The following AP3M2 variants were observed in gnomAD, a reference collection of about 807,000 sequenced individuals.
AP3M2 encodes AP-3 complex subunit mu-2.
AP3M2 carries 28 observed loss-of-function variants against 41.6 expected under a neutral mutation model. The observed-to-expected ratio is 0.67, with a 90% CI of 0.50 to 0.92. AP3M2 has a LOEUF of 0.92. Ranked by LOEUF, AP3M2 falls within the 40% of genes least tolerant of loss-of-function variation. The probability of loss-of-function intolerance (pLI) is 0.00; values close to 1 mark genes in which losing one functional copy is unlikely to be tolerated. For synonymous variants in AP3M2, 193 were observed against 186.4 expected (o/e 1.04, Z -0.29); for missense variants, 427 against 521.4 (o/e 0.82, Z 1.76).
At chr8:42,156,456 A>G (rs1006849964) in intron 2 of AP3M2, among the ~76,000 whole-genome samples, 1 of 152,188 alleles carries the variant, frequency 6.6e-6, no homozygotes, top group Non-Finnish European at 1.5e-5. Flanking sequence ...ATAGAATTGC[A>G]GGCTCACAGG....
At chr8:42,161,687 T>G (rs1273280900) in intron 3 of AP3M2, among the ~76,000 whole-genome samples, 4 of 152,158 alleles carry the variant, frequency 2.6e-5, no homozygotes, top group Non-Finnish European at 4.4e-5. Flanking sequence ...TTAATGTATT[T>G]TATTATGTCA....
chr8:42,155,030 A>G, intron 2 of AP3M2, 70 bp downstream of exon 2: 1 of 1,303,160 alleles, frequency 7.7e-7, no homozygotes, highest in Non-Finnish European at 1.1e-6. Context: ...TCCATTGTGT[A>G]AAGCCTCCAT....
Position 42,154,792 on chromosome 8 carries a change from G to C in AP3M2, c.105G>C (p.Ala35=). ...SRSVCDYFFE[A]QERATEAENV... is the part of the protein sequence containing the mutation. ...CTGTTTGTGATTACTTTTTTGAGGC[G>C]CAAGAGAGAGCTACTGAGGCAGAAA... is the stretch of plus-strand genomic sequence containing the variant. The change falls in exon 2 of 9, where the codon GCG becomes GCC. Residue 35 remains alanine, a synonymous_variant. Transcript: ENST00000396926. The C allele has an allele frequency of 6.2e-7, 1 of 1,614,040 alleles. No homozygotes were observed. The highest frequency in any genetic ancestry group is 8.5e-7 in the Non-Finnish European group (1 of 1,180,008).
rs1362291405 is a variant in AP3M2, at chr8:42,169,939, A to G, written c.*878A>G. 2 of 152,154 alleles carry G rather than the reference A, an allele frequency of 1.3e-5. No homozygotes were observed. The highest frequency in any genetic ancestry group is 1.5e-5 in the Non-Finnish European group (1 of 68,050). The allele number at this position is 152,154 out of a possible 1,614,324, so 9.4% of individuals were successfully genotyped here. ...TCACCGGCCATTTTCCTGTTACCTG[A>G]TCCTTCTACAGGATTTTTAAAAAGT... On this transcript the variant is annotated 3_prime_UTR_variant, in exon 9 of 9. Coordinates refer to ENST00000396926, the MANE Select transcript of AP3M2 (RefSeq NM_006803.4).
intron 5 of AP3M2, 46 bp from the exon 6 acceptor site, chr8:42,165,381 G>A (rs780400687): frequency 6.2e-7 from 1 of 1,605,484 alleles, no homozygotes; most frequent in South Asian, 1.1e-5. Context: ...AAGCACTGCG[G>A]GTGTTTAATG....
Position 42,169,300 on chromosome 8 carries a change from T to A in AP3M2, c.*239T>A. The A allele has an allele frequency of 2.7e-6, 1 of 372,862 alleles. No individual in the cohort carries two copies. Among genetic ancestry groups the A allele is most frequent in the East Asian group, 4.4e-5 (1 of 22,526 alleles). 23.1% of individuals were successfully genotyped at this position (372,862 alleles called of 1,614,324 possible). ...TCAAGGACAAGGTGTGTGATGGGGG[T>A]AGGAAGCTTGGTGCTTATGTAACCA... On this transcript the variant is annotated 3_prime_UTR_variant, in exon 9 of 9. Coordinates refer to ENST00000396926, the MANE Select transcript of AP3M2 (RefSeq NM_006803.4).
At chr8:42,161,829 T>A (rs1040324208) in intron 3 of AP3M2, among the ~76,000 whole-genome samples, 2 of 152,202 alleles carry the variant, frequency 1.3e-5, no homozygotes, top group Non-Finnish European at 2.9e-5. Flanking sequence ...GTGTTGGAAC[T>A]TGGGAATGAG....
intron 3 of AP3M2, among the ~76,000 whole-genome samples, chr8:42,159,872 A>T (rs1015128390): frequency 6.6e-6 from 1 of 152,260 alleles, no homozygotes; most frequent in East Asian, 1.9e-4. Context: ...AGAATTACAA[A>T]GGGGTTGTTG....
chr8:42,154,550 T>A (rs1441593033), intron 1 of AP3M2, 66 bp from the exon 2 acceptor site: 1 of 1,287,154 alleles, frequency 7.8e-7, no homozygotes, highest in African/African-American at 1.5e-5. Flanking sequence ...AGTCTTGGAC[T>A]GTTGGGAAAA....
chr8:42,153,612 G>A (rs1804269429), intron 1 of AP3M2: 1 of 152,192 alleles, frequency 6.6e-6, no homozygotes, highest in Non-Finnish European at 1.5e-5. Context: ...TGGCACCAGA[G>A]AGATGCAACC....
chr8:42,164,963 G>C (rs139629942), intron 4 of AP3M2, 108 bp from the exon 5 acceptor site: 1 of 887,732 alleles, frequency 1.1e-6, no homozygotes, highest in Non-Finnish European at 1.7e-6. Context: ...GAGGGAGAGA[G>C]AGGAAGGTGA....
chr8:42,157,226 A>G (rs1335441101), intron 2 of AP3M2, among the ~76,000 whole-genome samples: 1 of 152,216 alleles, frequency 6.6e-6, no homozygotes, highest in African/African-American at 2.4e-5. Context: ...AGTCATGCCT[A>G]ATTCTTACAG....
intron 6 of AP3M2, 101 bp from the exon 7 acceptor site, chr8:42,167,063 G>C: frequency 3.1e-6 from 3 of 973,466 alleles, no homozygotes; most frequent in Non-Finnish European, 4.9e-6. Context: ...ATAGTTAAGG[G>C]AGAAGAAGCT....
rs140472316 is a variant in AP3M2 at position 42,167,228 on chromosome 8, C to T, written c.868C>T (p.Arg290Cys). ...ISFRDSSSLGRFEITVGPKQT... is the reference protein window; with the variant it reads ...ISFRDSSSLGCFEITVGPKQT... ...TTTCCGGGACAGTAGTTCCCTTGGACGCTTTGAAATAACGGTGGGACCCAA... is the reference window on the plus strand; with the variant it reads ...TTTCCGGGACAGTAGTTCCCTTGGATGCTTTGAAATAACGGTGGGACCCAA... The change falls in exon 7 of 9, where the codon CGC becomes TGC. Residue 290 changes from arginine to cysteine, a missense_variant. Arg to Cys is a radical substitution (Grantham distance 180). Around this residue, in one of 3 missense-constraint regions of AP3M2, gnomAD observed 237 missense variants for 284.9 expected, o/e 0.83. Coordinates refer to ENST00000396926, the MANE Select transcript of AP3M2 (RefSeq NM_006803.4). 296 of 1,614,016 alleles carry T rather than the reference C, an allele frequency of 1.8e-4. 1 individual carries two copies. The highest frequency in any genetic ancestry group is 2.3e-4 in the Non-Finnish European group (276 of 1,180,004).
At chr8:42,168,785 T>G (rs891968756) in intron 8 of AP3M2, among the ~76,000 whole-genome samples, 176 bp from the exon 9 acceptor site, 1 of 152,194 alleles carries the variant, frequency 6.6e-6, no homozygotes, top group African/African-American at 2.4e-5. Flanking sequence ...GTTGGAGCCT[T>G]TTTTTGCTGT....
intron 3 of AP3M2, 198 bp from the exon 4 acceptor site, chr8:42,162,083 G>T: frequency 2.3e-6 from 1 of 441,262 alleles, no homozygotes; most frequent in Non-Finnish European, 3.9e-6. Flanking sequence ...TGTTTGAAAA[G>T]GCAGACCAGA....
At chr8:42,163,644 A>G (rs1804567715) in intron 4 of AP3M2, among the ~76,000 whole-genome samples, 1 of 152,242 alleles carries the variant, frequency 6.6e-6, no homozygotes, top group African/African-American at 2.4e-5. Context: ...GCATAAGATT[A>G]TAGACAGTGG....
At position 42,168,288 on chromosome 8, in the gene AP3M2, G is replaced by A. The variant is rs74947484; in HGVS notation, c.1156+478G>A. ...AGTCTGTGCCGACCTTAGCACGGTA[G>A]TCATCAGTTACCACTTTGGGGGCAT... On this transcript the variant is annotated intron_variant, in intron 8 of 8. Coordinates refer to ENST00000396926, the MANE Select transcript of AP3M2 (RefSeq NM_006803.4). The A allele has an allele frequency of 1.6e-3, 726 of 450,882 alleles. 4 individuals carry two copies. Among genetic ancestry groups the A allele is most frequent in the African/African-American group, 0.012 (607 of 50,040 alleles). The allele number at this position is 450,882 out of a possible 1,614,324, so 27.9% of individuals were successfully genotyped here. A position where few individuals can be genotyped will look rare whatever the true frequency, so the allele number is the denominator to read the frequency against.
intron 3 of AP3M2, 141 bp from the exon 4 acceptor site, chr8:42,162,140 G>A (rs1421907721): frequency 2.6e-6 from 2 of 761,372 alleles, no homozygotes; most frequent in Non-Finnish European, 4.0e-6. Flanking sequence ...CCATATAGAA[G>A]TTGGGAAAAA....
Sources: gnomAD v4.1 joint callset for allele counts (sites outside exome capture counted in the v4.1 genomes callset) on GRCh38, gnomAD v4.1.1 for gene constraint, gnomAD v4.1.1 regional missense constraint, MANE v1.5 for transcripts, NCBI Gene and HGNC (gene_info 2026-07-23, HGNC 2026-07-21) for gene names.